ZDHHC18: variants seen among roughly 807,000 people sequenced by gnomAD.
The protein encoded by ZDHHC18 is palmitoyltransferase ZDHHC18.
In ZDHHC18, 23 loss-of-function variants were observed where a neutral mutation model predicts 37.5. That is an observed-to-expected ratio of 0.61 (90% CI 0.44 to 0.87). The LOEUF is 0.87. ZDHHC18 is among the 40% of genes least tolerant of loss of function. The probability of loss-of-function intolerance (pLI) is 0.00; values close to 1 mark genes in which losing one functional copy is unlikely to be tolerated. For missense variants in ZDHHC18, 406 were observed against 525.6 expected, an observed-to-expected ratio of 0.77 and a Z score of 2.22; for synonymous variants, 185 against 218.7, an observed-to-expected ratio of 0.85 and a Z score of 1.36.
intron 1 of ZDHHC18, among the ~76,000 whole-genome samples, chr1:26,830,719 C>G (rs2081585145): frequency 6.6e-6 from 1 of 152,114 alleles, no homozygotes; most frequent in African/African-American, 2.4e-5. Flanking sequence ...TAAAGCTGAA[C>G]AAGAGAACAT....
rs187765000 is a variant in ZDHHC18 at position 26,837,259 on chromosome 1, A to T, written c.496+4652A>T. 4.2e-3 allele frequency among the ~76,000 whole-genome samples: 606 copies of T among 143,734 alleles called. 3 individuals are homozygous for T. Among genetic ancestry groups the T allele is most frequent in the Admixed American group, 7.3e-3 (103 of 14,162 alleles). The allele number at this position is 143,734 out of a possible 152,430, so 94.3% of individuals were successfully genotyped here. On this transcript the variant is annotated intron_variant, in intron 2 of 7. Transcript: ENST00000374142. ...CAGAGTGAGACTCTGTCTCAAAAAA[A>T]ATATATATATATATATATAAAATAT...
At chr1:26,842,168 G>C (rs963171899) in intron 2 of ZDHHC18, among the ~76,000 whole-genome samples, 6 of 151,516 alleles carry the variant, frequency 4.0e-5, no homozygotes, top group South Asian at 2.1e-4. Context: ...AGAGAGACAG[G>C]GTCCGCCTTT....
chr1:26,839,592 G>A (rs1216511363), intron 2 of ZDHHC18, among the ~76,000 whole-genome samples: 4 of 152,152 alleles, frequency 2.6e-5, no homozygotes, highest in Non-Finnish European at 5.9e-5. Flanking sequence ...TCTATTATTG[G>A]AGTGAACTTG....
Position 26,832,462 on chromosome 1 carries a change from T to C in ZDHHC18, c.351T>C (p.Ala117=), listed in dbSNP as rs770689009. The C allele has an allele frequency of 1.2e-6, 2 of 1,614,140 alleles. No individual in the cohort carries two copies. The highest frequency in any genetic ancestry group is 1.7e-5 in the Admixed American group (1 of 60,014). ...CTCGTTCTAGCTGTCCCTACCTGGC[T>C]CGCAAGCTGACCCTTGCCATCCCCA... ...LFFVFDCPYL[A]RKLTLAIPII... is the part of the protein sequence containing the mutation. Residue 117 remains alanine (A), a synonymous_variant, in exon 2 of 8, where the codon GCT becomes GCC. Transcript: ENST00000374142.
chr1:26,848,492 C>A, intron 2 of ZDHHC18, 116 bp from the exon 3 acceptor site: 1 of 1,357,488 alleles, frequency 7.4e-7, no homozygotes, highest in Non-Finnish European at 1.0e-6. Context: ...TTCCTGGGAA[C>A]CTGTTACCCT....
At chr1:26,840,720 G>A (rs959719981) in intron 2 of ZDHHC18, among the ~76,000 whole-genome samples, 1 of 150,790 alleles carries the variant, frequency 6.6e-6, no homozygotes, top group Admixed American at 6.6e-5. Context: ...GGGATTACAG[G>A]CGTGAGCCAT....
chr1:26,835,980 C>T (rs908820040), intron 2 of ZDHHC18, among the ~76,000 whole-genome samples: 2 of 152,166 alleles, frequency 1.3e-5, no homozygotes, highest in African/African-American at 4.8e-5. Context: ...CCAGGACCAC[C>T]TGGAAAGTCT....
chr1:26,830,297 G>T (rs1159614854), intron 1 of ZDHHC18, among the ~76,000 whole-genome samples: 1 of 152,214 alleles, frequency 6.6e-6, no homozygotes, highest in Non-Finnish European at 1.5e-5. Flanking sequence ...GACCTGGCTT[G>T]GGTCCCACTT....
intron 2 of ZDHHC18, among the ~76,000 whole-genome samples, chr1:26,846,140 G>A (rs1017306827): frequency 2.1e-5 from 3 of 144,214 alleles, no homozygotes; most frequent in Non-Finnish European, 3.1e-5. Context: ...GTATATATAT[G>A]TGTGTATATA....
In ZDHHC18 at chr1:26,853,959, A is replaced by G. The variant is rs2081720440; in HGVS notation, c.*116A>G. ...CTGCCAAAGACTCAAGTCTTTTCAT[A>G]TTTATTTCCCATCCTGCGTGGCTTT... On this transcript the variant is annotated 3_prime_UTR_variant, in exon 8 of 8. Transcript: ENST00000374142. 1 of 939,290 alleles carries G rather than the reference A, an allele frequency of 1.1e-6. No homozygotes were observed. The highest frequency in any genetic ancestry group is 1.7e-6 in the Non-Finnish European group (1 of 605,032). The allele number at this position is 939,290 out of a possible 1,614,324, so 58.2% of individuals were successfully genotyped here.
chr1:26,830,738 C>T (rs1200311342), intron 1 of ZDHHC18, among the ~76,000 whole-genome samples: 2 of 151,206 alleles, frequency 1.3e-5, no homozygotes, highest in African/African-American at 4.9e-5. Flanking sequence ...ATAGTCTATA[C>T]CCACAGAGGA....
intron 1 of ZDHHC18, chr1:26,832,068 A>G: frequency 5.8e-6 from 1 of 172,516 alleles, no homozygotes; most frequent in Non-Finnish European, 1.2e-5. Context: ...ATATTTGTGG[A>G]CTGAGTGAGT....
chr1:26,838,849 G>C (rs2081625270), intron 2 of ZDHHC18, among the ~76,000 whole-genome samples: 1 of 152,268 alleles, frequency 6.6e-6, no homozygotes, highest in South Asian at 2.1e-4. Context: ...ATGTGGTGAA[G>C]GCCCCATGAA....
At chr1:26,853,387 T>TGC (rs1465717778) in intron 7 of ZDHHC18, among the ~76,000 whole-genome samples, 1 of 152,202 alleles carries the variant, frequency 6.6e-6, no homozygotes, top group Non-Finnish European at 1.5e-5. Flanking sequence ...CCAGCCTGCC[T>TGC]AGAGGGGAAG....
At chr1:26,842,354 C>T (rs2081643593) in intron 2 of ZDHHC18, among the ~76,000 whole-genome samples, 1 of 152,194 alleles carries the variant, frequency 6.6e-6, no homozygotes, top group Non-Finnish European at 1.5e-5. Flanking sequence ...TCATTTAACT[C>T]TCACAACAAC....
At chr1:26,843,697 G>A (rs2081649535) in intron 2 of ZDHHC18, among the ~76,000 whole-genome samples, 1 of 151,726 alleles carries the variant, frequency 6.6e-6, no homozygotes, top group South Asian at 2.1e-4. Context: ...GGCTGAGGCA[G>A]GAGAATTGCT....
At position 26,850,573 on chromosome 1, in the gene ZDHHC18, A is replaced by C. The variant is rs780220226; in HGVS notation, c.800A>C (p.Asn267Thr). ...THLTLRAQGS[N>T]FLSTLKETPA... ...TTCTCCCCAGGCGCTCAGGGAAGCA[A>C]CTTCCTCTCCACTCTGAAGGAGACA... The change falls in exon 5 of 8, where the codon AAC becomes ACC. Residue 267 changes from asparagine (N) to threonine (T), a missense_variant. Coordinates refer to ENST00000374142, the MANE Select transcript of ZDHHC18 (RefSeq NM_032283.3). The surrounding 1 kb of genome is among the most constrained non-coding windows in gnomAD (Gnocchi z 6.1). 3 of 1,614,056 alleles carry C rather than the reference A, an allele frequency of 1.9e-6. No homozygotes were observed. The highest frequency in any genetic ancestry group is 2.2e-5 in the East Asian group (1 of 44,870).
In ZDHHC18 at chr1:26,831,308, G is replaced by A. The variant is rs79364144; in HGVS notation, c.336-1139G>A. Among the ~76,000 whole-genome samples, 132 of 152,336 alleles carry A rather than the reference G, an allele frequency of 8.7e-4. 1 individual carries two copies. The East Asian group carries it at 0.019, about 22-fold the overall frequency. On this transcript the variant is annotated intron_variant, in intron 1 of 7. Coordinates refer to ENST00000374142, the MANE Select transcript of ZDHHC18 (RefSeq NM_032283.3). ...GTTATAGGAACTGTCATGGGCTATT[G>A]TGATGGGAGGAGCAGGAGCAAGACG...
chr1:26,848,347 G>A (rs2081682899), intron 2 of ZDHHC18, among the ~76,000 whole-genome samples: 1 of 152,026 alleles, frequency 6.6e-6, no homozygotes, highest in South Asian at 2.1e-4. Flanking sequence ...AAGCTTTCTG[G>A]GAGTCTCCTT....
Sources: gnomAD v4.1 joint callset for allele counts (sites outside exome capture counted in the v4.1 genomes callset) on GRCh38, gnomAD v4.1.1 for gene constraint, Gnocchi (gnomAD v3.1) non-coding constraint, MANE v1.5 for transcripts, NCBI Gene and HGNC (gene_info 2026-07-23, HGNC 2026-07-21) for gene names.